TRIM54: variants seen among roughly 807,000 people sequenced by gnomAD.
The protein encoded by TRIM54 is tripartite motif-containing protein 54.
In TRIM54, 40 loss-of-function variants were observed where a neutral mutation model predicts 42.0. The ratio of observed to expected loss-of-function variants is 0.95; its 90% confidence interval spans 0.74 to 1.24. The LOEUF is 1.24. Among genes scored for constraint, TRIM54 ranks in the 50% most tolerant of loss-of-function variants. The probability of loss-of-function intolerance (pLI) is 0.00; values close to 1 mark genes in which losing one functional copy is unlikely to be tolerated. For synonymous variants in TRIM54, 199 were observed against 194.9 expected (o/e 1.02, Z -0.17); for missense variants, 485 against 480.3 (o/e 1.01, Z -0.09).
Position 27,307,322 on chromosome 2 carries a change from C to A in TRIM54, c.*437C>A. The A allele has an allele frequency of 1.1e-6, 1 of 885,974 alleles. No homozygotes were observed. The allele number at this position is 885,974 out of a possible 1,614,324, so 54.9% of individuals were successfully genotyped here. ...GCCCCCCACAGCATTTTGTTCCCCTCCCGCTGGCCCGGGGGCCCCACCTTC... is the reference window on the plus strand; with the variant it reads ...GCCCCCCACAGCATTTTGTTCCCCTACCGCTGGCCCGGGGGCCCCACCTTC... On this transcript the variant is annotated 3_prime_UTR_variant, in exon 9 of 9. Coordinates refer to ENST00000380075, the MANE Select transcript of TRIM54 (RefSeq NM_187841.3). The surrounding 1 kb of genome is among the most constrained non-coding windows in gnomAD (Gnocchi z 6.9).
Position 27,305,741 on chromosome 2 carries a change from A to T in TRIM54, c.767A>T (p.His256Leu). 6.2e-7 allele frequency: 1 copy of T among 1,611,746 alleles called. No individual in the cohort carries two copies. The highest frequency in any genetic ancestry group is 8.5e-7 in the Non-Finnish European group (1 of 1,179,036). Residue 256 changes from histidine to leucine, a missense_variant, in exon 5 of 9, where the codon CAC becomes CTC. Physicochemically the swap from His to Leu is moderately conservative, Grantham distance 99 (BLOSUM62 -3). Transcript: ENST00000380075. ...GGCCTCATCCGTCAGTATGGCGACC[A>T]CCTGGAGGCCTCCTCTAAGCTGGTG... ...VRGLIRQYGD[H>L]LEASSKLVES... is the part of the protein sequence containing the mutation.
Position 27,282,763 on chromosome 2 carries a change from TAGGGG to T in TRIM54, c.34_38del (p.Gly12CysfsTer71). On this transcript the variant is annotated frameshift_variant, in exon 1 of 9. Transcript: ENST00000380075. LOFTEE classifies it high-confidence loss of function. ...TTCACAGTGGGTTTCAAGCCGCTGCTAGGGGATGCACACAGCATGGACAACCTGGA... is the reference window on the plus strand; with the variant it reads ...TTCACAGTGGGTTTCAAGCCGCTGCTATGCACACAGCATGGACAACCTGGA... The T allele has an allele frequency of 6.2e-7, 1 of 1,612,196 alleles. No individual in the cohort carries two copies.
At chr2:27,303,548 TAA>T (rs776985705) in intron 3 of TRIM54, among the ~76,000 whole-genome samples, 26 of 138,840 alleles carry the variant, frequency 1.9e-4, no homozygotes, top group African/African-American at 5.5e-4. Context: ...AGACTCCGTC[TAA>T]AAAAAAAAAA....
intron 1 of TRIM54, among the ~76,000 whole-genome samples, chr2:27,295,032 T>A (rs1264385510): frequency 6.6e-6 from 1 of 152,108 alleles, no homozygotes; most frequent in Non-Finnish European, 1.5e-5. Context: ...TAGACTAAGT[T>A]AGGAGTGATT....
chr2:27,287,575 G>C (rs975763460), intron 1 of TRIM54, among the ~76,000 whole-genome samples: 2 of 151,994 alleles, frequency 1.3e-5, no homozygotes, highest in Admixed American at 1.3e-4. Flanking sequence ...CCAGGCTGGA[G>C]TGCAGTGGCA....
Position 27,299,232 on chromosome 2 carries a change from C to T in TRIM54, c.342-13C>T. On this transcript the variant is annotated splice_polypyrimidine_tract_variant and intron_variant, in intron 2 of 8. Transcript: ENST00000380075. Reference sequence around the variant, plus strand: ...TGCTTAAGGTCCACCTCCCCCTGCCCACTCCTCTCTAGGCCGCTGCACTCC... The same window carrying T: ...TGCTTAAGGTCCACCTCCCCCTGCCTACTCCTCTCTAGGCCGCTGCACTCC... 2.5e-6 allele frequency: 4 copies of T among 1,613,250 alleles called. No homozygotes were observed. Among genetic ancestry groups the T allele is most frequent in the Non-Finnish European group, 3.4e-6 (4 of 1,179,916 alleles).
intron 3 of TRIM54, chr2:27,299,691 T>TCTAC: frequency 1.6e-6 from 1 of 615,256 alleles, no homozygotes; most frequent in Non-Finnish European, 2.9e-6. Flanking sequence ...TATCTATCTA[T>TCTAC]CTATCTATCT....
intron 3 of TRIM54, among the ~76,000 whole-genome samples, chr2:27,300,012 G>A (rs566004950): frequency 4.6e-5 from 7 of 151,866 alleles, no homozygotes; most frequent in African/African-American, 7.2e-5. Context: ...GATCTCTGTC[G>A]CGCAGGCTGG....
At chr2:27,285,860 A>G (rs959581720) in intron 1 of TRIM54, among the ~76,000 whole-genome samples, 8 of 151,934 alleles carry the variant, frequency 5.3e-5, no homozygotes, top group African/African-American at 1.9e-4. Context: ...ACAACAAACA[A>G]GAGTTTTTGG....
In TRIM54 at chr2:27,299,745, G is replaced by A. The variant is rs999454244; in HGVS notation, c.513+329G>A. The A allele has an allele frequency of 2.9e-4, 175 of 603,588 alleles. 1 individual carries two copies. The highest frequency in any genetic ancestry group is 2.4e-4 in the Non-Finnish European group (82 of 341,656). The allele number at this position is 603,588 out of a possible 1,614,324, so 37.4% of individuals were successfully genotyped here. ...TTTTGAGATGGAGTCTCGCTCTGTCGCCCAGGCTGGAGTGCAGTGGTGCAG... is the reference window on the plus strand; with the variant it reads ...TTTTGAGATGGAGTCTCGCTCTGTCACCCAGGCTGGAGTGCAGTGGTGCAG... On this transcript the variant is annotated intron_variant, in intron 3 of 8. Coordinates refer to ENST00000380075, the MANE Select transcript of TRIM54 (RefSeq NM_187841.3).
rs1679173503 is a variant in TRIM54 at position 27,305,628 on chromosome 2, G to A, written c.654G>A (p.Glu218=). The A allele has an allele frequency of 6.2e-7, 1 of 1,613,796 alleles. No individual in the cohort carries two copies. The part of the protein sequence containing the change: ...RQKQLLNQRF[E]SLCAVLEERK... ...AGCAGTTGTTAAACCAGAGGTTTGAGAGCCTGTGCGCAGTGCTGGAGGAGC... is the reference window on the plus strand; with the variant it reads ...AGCAGTTGTTAAACCAGAGGTTTGAAAGCCTGTGCGCAGTGCTGGAGGAGC... The change falls in exon 5 of 9, where the codon GAG becomes GAA. Residue 218 remains glutamate (E), a synonymous_variant. Transcript: ENST00000380075.
intron 1 of TRIM54, among the ~76,000 whole-genome samples, chr2:27,285,310 T>A (rs2148187221): frequency 6.6e-6 from 1 of 152,312 alleles, no homozygotes; most frequent in East Asian, 1.9e-4. Flanking sequence ...ATAATCAGAT[T>A]GTCTGTTTTC....
In TRIM54 at chr2:27,299,333, C is replaced by G; in HGVS notation, c.430C>G (p.Pro144Ala). ...TATTTACTGCCTGAGCTGTGAGGTG[C>G]CCACCTGCTCTCTCTGCAAGGTCTT... ...INIYCLSCEV[P>A]TCSLCKVFGA... The change falls in exon 3 of 9, where the codon CCC (proline) becomes GCC (alanine). Residue 144 changes from proline (P) to alanine (A), a missense_variant. Pro to Ala is a conservative substitution (Grantham distance 27). Transcript: ENST00000380075. 6.2e-7 allele frequency: 1 copy of G among 1,614,134 alleles called. No homozygotes were observed.
At chr2:27,298,819 AG>A (rs905043557) in intron 2 of TRIM54, 80 bp downstream of exon 2, 2 of 1,462,494 alleles carry the variant, frequency 1.4e-6, no homozygotes, top group African/African-American at 2.8e-5. Context: ...CAAAAGGGAG[AG>A]ATTGAAACGG....
chr2:27,292,116 C>T lies in TRIM54; in HGVS notation c.169-6451C>T, dbSNP rs187511497. Among the ~76,000 whole-genome samples the T allele has an allele frequency of 1.5e-3, 223 of 152,322 alleles. 1 individual carries two copies. Among genetic ancestry groups the T allele is most frequent in the African/African-American group, 5.2e-3 (217 of 41,566 alleles). ...GAATAAATGCAATGACTAACCAATG[C>T]GATGAGCTGCTAAAGAAATTGCTTT... On this transcript the variant is annotated intron_variant, in intron 1 of 8. Transcript: ENST00000380075.
In TRIM54 at chr2:27,306,231, G is replaced by C; in HGVS notation, c.885G>C (p.Lys295Asn). ...ACTGCAGGGTCGGGGCCATGTCGAAGGTGGAGCTGGCAGGGCGGCCGGAGC... is the reference window on the plus strand; with the variant it reads ...ACTGCAGGGTCGGGGCCATGTCGAACGTGGAGCTGGCAGGGCGGCCGGAGC... ...ELINKVGAMS[K>N]VELAGRPEPG... Residue 295 changes from lysine (K) to asparagine (N), a missense_variant, in exon 7 of 9, where the codon AAG (lysine) becomes AAC (asparagine). Transcript: ENST00000380075. This position sits in a 1 kb window ranked among gnomAD's most constrained non-coding sequence, Gnocchi z 6.1. 6.2e-7 allele frequency: 1 copy of C among 1,614,112 alleles called. No individual in the cohort carries two copies. The highest frequency in any genetic ancestry group is 1.1e-5 in the South Asian group (1 of 91,090).
At position 27,298,590 on chromosome 2, in the gene TRIM54, C is replaced by T; in HGVS notation, c.192C>T (p.Ser64=). 1 of 1,614,030 alleles carries T rather than the reference C, an allele frequency of 6.2e-7. No homozygotes were observed. The highest frequency in any genetic ancestry group is 8.5e-7 in the Non-Finnish European group (1 of 1,179,960). ...AGGCCTCGAATCCTCTATGGCAGTC[C>T]CGGGGCTCCACCACTGTGTCTTCAG... ...VFQASNPLWQ[S]RGSTTVSSGG... is the part of the protein sequence containing the mutation. Residue 64 remains serine (S), a synonymous_variant, in exon 2 of 9, where the codon TCC becomes TCT. Coordinates refer to ENST00000380075, the MANE Select transcript of TRIM54 (RefSeq NM_187841.3).
intron 3 of TRIM54, 168 bp downstream of exon 3, chr2:27,299,584 T>G (rs1427279010): frequency 7.0e-7 from 1 of 1,423,592 alleles, no homozygotes; most frequent in Admixed American, 2.0e-5. Context: ...AAACACAACT[T>G]ACTGCAGCCT....
intron 3 of TRIM54, among the ~76,000 whole-genome samples, chr2:27,304,430 A>T (rs566362694): frequency 0.04 from 55 of 1,378 alleles, 1 homozygote; most frequent in South Asian, 0.34. Flanking sequence ...AAAAAAATTT[A>T]AAAAAAAATC....
Sources: allele counts gnomAD v4.1 joint callset (sites outside exome capture counted in the v4.1 genomes callset), GRCh38; gene constraint gnomAD v4.1.1; non-coding constraint Gnocchi (gnomAD v3.1); transcripts MANE v1.5; gene names NCBI Gene and HGNC (gene_info 2026-07-23, HGNC 2026-07-21).